GPHN: variants seen among roughly 807,000 people sequenced by gnomAD.
The protein encoded by GPHN is gephyrin.
A neutral mutation model predicts 95.5 loss-of-function variants in GPHN; 17 were observed. That is an observed-to-expected ratio of 0.18 (90% CI 0.12 to 0.27). GPHN has a LOEUF of 0.27. Among genes scored for constraint, GPHN ranks in the 10% least tolerant of loss-of-function variants. GPHN has a pLI of 1.00. For synonymous variants in GPHN, 320 were observed against 322.5 expected, an observed-to-expected ratio of 0.99 and a Z score of 0.08; for missense variants, 660 against 978.1, an observed-to-expected ratio of 0.67 and a Z score of 4.34.
intron 1 of GPHN, among the ~76,000 whole-genome samples, chr14:66,642,274 A>G (rs775706266): frequency 5.9e-5 from 9 of 152,196 alleles, no homozygotes; most frequent in Non-Finnish European, 1.0e-4. Flanking sequence ...TTAAGAGCAG[A>G]GAAGTTTTTC....
the GPHN span, among the ~76,000 whole-genome samples, chr14:67,245,863 C>G: frequency 6.7e-6 from 1 of 148,990 alleles, no homozygotes; most frequent in South Asian, 2.1e-4. Context: ...GATTTTTCTC[C>G]AATTTTTTTT....
the GPHN span, chr14:67,383,627 A>T: frequency 2.8e-6 from 2 of 723,994 alleles, no homozygotes; most frequent in African/African-American, 1.8e-5. Flanking sequence ...GTCACACAGT[A>T]GCTCCAACAC....
chr14:67,638,171 A>G, the GPHN span, among the ~76,000 whole-genome samples: 2 of 152,096 alleles, frequency 1.3e-5, no homozygotes, highest in South Asian at 4.1e-4. Context: ...GCTCAAACAT[A>G]TTTTGCTATG....
chr14:67,602,320 A>T, the GPHN span, among the ~76,000 whole-genome samples: 2 of 152,166 alleles, frequency 1.3e-5, no homozygotes, highest in Admixed American at 6.5e-5. Context: ...GCATGGGGGA[A>T]ATCCGTCCCC....
the GPHN span, among the ~76,000 whole-genome samples, chr14:67,240,204 A>G: frequency 6.6e-6 from 1 of 152,196 alleles, no homozygotes; most frequent in Admixed American, 6.5e-5. Flanking sequence ...TGGGAAGGGT[A>G]GGCATCCCCA....
chr14:67,364,221 T>C, the GPHN span: 1 of 152,174 alleles, frequency 6.6e-6, no homozygotes, highest in East Asian at 1.9e-4. Context: ...TTAAAATTTT[T>C]TTAGTTTTTG....
chr14:67,093,511 T>A (rs919173217), intron 12 of GPHN, among the ~76,000 whole-genome samples: 1 of 152,100 alleles, frequency 6.6e-6, no homozygotes, highest in Non-Finnish European at 1.5e-5. Context: ...ATAGGATACT[T>A]TCAGTGAAAA....
At position 66,682,760 on chromosome 14, in the gene GPHN, T is replaced by G. The variant is rs115062775; in HGVS notation, c.143+1575T>G. The stretch of plus-strand genomic sequence containing the variant: ...GCGAGGCTCCATCTCAAAAAAAAAA[T>G]TATTATTGTATTATTTGTAAGATAT... On this transcript the variant is annotated intron_variant, in intron 2 of 22. Coordinates refer to ENST00000478722, the MANE Select transcript of GPHN (RefSeq NM_020806.5). Among the ~76,000 whole-genome samples, 1,212 of 151,942 alleles carry G rather than the reference T, an allele frequency of 8.0e-3. 8 individuals are homozygous for G. Among genetic ancestry groups the G allele is most frequent in the African/African-American group, 0.028 (1,157 of 41,450 alleles).
chr14:67,110,627 T>C (rs909244215), intron 14 of GPHN, among the ~76,000 whole-genome samples: 1 of 152,236 alleles, frequency 6.6e-6, no homozygotes, highest in African/African-American at 2.4e-5. Flanking sequence ...TTGACATACC[T>C]TCCAGCTGAG....
intron 9 of GPHN, among the ~76,000 whole-genome samples, chr14:66,970,460 G>A (rs2069676756): frequency 6.6e-6 from 1 of 152,134 alleles, no homozygotes; most frequent in Non-Finnish European, 1.5e-5. Flanking sequence ...TTTCCTAGTA[G>A]TGTTAGTTTT....
chr14:67,284,826 CA>C, the GPHN span, among the ~76,000 whole-genome samples: 1 of 152,092 alleles, frequency 6.6e-6, no homozygotes, highest in Non-Finnish European at 1.5e-5. Flanking sequence ...ATCAGTACTT[CA>C]TTTCTTTTTT....
rs536587478 is a variant in GPHN at position 66,915,825 on chromosome 14, A to G, written c.390-178A>G. 7.2e-4 allele frequency among the ~76,000 whole-genome samples: 110 copies of G among 152,316 alleles called. 1 individual carries two copies. The highest frequency in any genetic ancestry group is 1.4e-3 in the Non-Finnish European group (93 of 68,018). On this transcript the variant is annotated intron_variant, in intron 5 of 22. Coordinates refer to ENST00000478722, the MANE Select transcript of GPHN (RefSeq NM_020806.5). ...CAATTTGCCATACTAACCATAATGT[A>G]AAAACTTCAACCAGAATGCCTAATT...
chr14:67,539,175 C>T, the GPHN span, among the ~76,000 whole-genome samples: 1 of 152,156 alleles, frequency 6.6e-6, no homozygotes, highest in East Asian at 1.9e-4. Flanking sequence ...CAGTAAAGGA[C>T]AAGGAAAAAT....
intron 2 of GPHN, among the ~76,000 whole-genome samples, chr14:66,683,578 T>C (rs1055824238): frequency 7.1e-6 from 1 of 141,432 alleles, no homozygotes; most frequent in Non-Finnish European, 1.5e-5. Flanking sequence ...AAATGTTCAC[T>C]ACTTTTCATT....
At chr14:67,718,199 T>C in the GPHN span, among the ~76,000 whole-genome samples, 1 of 152,122 alleles carries the variant, frequency 6.6e-6, no homozygotes, top group Non-Finnish European at 1.5e-5. Flanking sequence ...ACGGGCTCCT[T>C]AGGGAAGTTG....
chr14:66,861,423 G>T (rs957203116), intron 4 of GPHN, among the ~76,000 whole-genome samples: 1 of 152,002 alleles, frequency 6.6e-6, no homozygotes, highest in African/African-American at 2.4e-5. Context: ...CCTACTTTCA[G>T]CATTAGGCAG....
At chr14:66,687,413 C>T (rs1343407577) in intron 2 of GPHN, among the ~76,000 whole-genome samples, 1 of 151,112 alleles carries the variant, frequency 6.6e-6, no homozygotes, top group Non-Finnish European at 1.5e-5. Context: ...ATAGAGATTG[C>T]GTTGAATCTA....
the GPHN span, among the ~76,000 whole-genome samples, chr14:67,225,419 T>C: frequency 6.6e-6 from 1 of 152,168 alleles, no homozygotes; most frequent in Non-Finnish European, 1.5e-5. Flanking sequence ...TTTGTTGTGG[T>C]TTCTGCTCTA....
At chr14:66,714,457 C>G (rs2069971703) in intron 2 of GPHN, among the ~76,000 whole-genome samples, 1 of 152,184 alleles carries the variant, frequency 6.6e-6, no homozygotes, top group South Asian at 2.1e-4. Flanking sequence ...GACATTTTGA[C>G]TTCCTCTTCA....
Sources: allele counts gnomAD v4.1 joint callset (sites outside exome capture counted in the v4.1 genomes callset), GRCh38; gene constraint gnomAD v4.1.1; transcripts MANE v1.5; gene names NCBI Gene and HGNC (gene_info 2026-07-23, HGNC 2026-07-21).